The following UBP1 variants were observed in gnomAD, a reference collection of about 807,000 sequenced individuals.
UBP1 encodes upstream-binding protein 1.
In UBP1, 22 loss-of-function variants were observed where a neutral mutation model predicts 76.1. The ratio of observed to expected loss-of-function variants is 0.29; its 90% CI spans 0.21 to 0.41. UBP1 has a LOEUF of 0.41. Among genes scored for constraint, UBP1 ranks in the 10% least tolerant of loss-of-function variants. The pLI is 1.00. For synonymous variants in UBP1, 224 were observed against 237.1 expected, an observed-to-expected ratio of 0.94 and a Z score of 0.51; for missense variants, 436 against 668.1, an observed-to-expected ratio of 0.65 and a Z score of 3.83.
intron 1 of UBP1, among the ~76,000 whole-genome samples, chr3:33,431,562 C>G (rs1051268987): frequency 7.9e-5 from 12 of 151,878 alleles, no homozygotes; most frequent in African/African-American, 2.9e-4. Flanking sequence ...ATGGTGAAAC[C>G]CTGTCTCTAC....
In UBP1 at chr3:33,425,688, T is replaced by A; in HGVS notation, c.167A>T (p.Asp56Val). Reference protein sequence around the residue: ...FKQEDSSLPLDGETEHPPFQY... With the variant: ...FKQEDSSLPLVGETEHPPFQY... ...AAAGGGTGGGTGCTCTGTTTCACCATCCAATGGAAGGCTGGAATCTTCCTG... is the reference window on the plus strand; with the variant it reads ...AAAGGGTGGGTGCTCTGTTTCACCAACCAATGGAAGGCTGGAATCTTCCTG... Residue 56 changes from aspartate (D) to valine (V), a missense_variant, in exon 2 of 16, where the codon GAT becomes GTT. Around this residue, in one of 3 missense-constraint regions of UBP1, gnomAD observed 161 missense variants for 237.9 expected, o/e 0.68. Transcript: ENST00000283629. 2 of 1,601,156 alleles carry A rather than the reference T, an allele frequency of 1.2e-6. No homozygotes were observed. Among genetic ancestry groups the A allele is most frequent in the Non-Finnish European group, 1.7e-6 (2 of 1,169,968 alleles).
intron 1 of UBP1, among the ~76,000 whole-genome samples, chr3:33,427,091 C>A (rs1380312669): frequency 6.6e-6 from 1 of 152,208 alleles, no homozygotes; most frequent in African/African-American, 2.4e-5. Context: ...CTTCCGCCTC[C>A]CAAGTAGCTG....
intron 1 of UBP1, among the ~76,000 whole-genome samples, chr3:33,436,341 TTAAA>T (rs1483231195): frequency 2.6e-5 from 4 of 152,368 alleles, no homozygotes; most frequent in East Asian, 1.9e-4. Context: ...AATAGATTTC[TTAAA>T]TAAACATTTT....
At chr3:33,394,821 T>G (rs912325576) in intron 13 of UBP1, among the ~76,000 whole-genome samples, 8 of 130,948 alleles carry the variant, frequency 6.1e-5, no homozygotes, top group South Asian at 2.5e-4. Context: ...CCACTTGTTT[T>G]TTTTTTTTTT....
intron 8 of UBP1, among the ~76,000 whole-genome samples, chr3:33,406,936 C>T (rs947251463): frequency 6.6e-6 from 1 of 152,160 alleles, no homozygotes; most frequent in African/African-American, 2.4e-5. Flanking sequence ...CAGTGTGGCA[C>T]CATTTCATTC....
At position 33,439,723 on chromosome 3, in the gene UBP1, G is replaced by C. The variant is rs373379762; in HGVS notation, c.113+13C>G. The stretch of plus-strand genomic sequence containing the variant: ...GGAGACAGAGGCTTCTCCCCGCCCA[G>C]GGAGCCCAGTACCTCATGCTGTAAG... On this transcript the variant is annotated intron_variant, in intron 1 of 15. Coordinates refer to ENST00000283629, the MANE Select transcript of UBP1 (RefSeq NM_014517.5). 8 of 1,609,752 alleles carry C rather than the reference G, an allele frequency of 5.0e-6. No homozygotes were observed. Among genetic ancestry groups the C allele is most frequent in the African/African-American group, 4.0e-5 (3 of 74,702 alleles).
chr3:33,396,785 G>A (rs1207517051), intron 12 of UBP1: 7 of 632,566 alleles, frequency 1.1e-5, no homozygotes, highest in South Asian at 3.0e-5. Flanking sequence ...AAACCCAGTC[G>A]TCTTCAAGAA....
intron 3 of UBP1, among the ~76,000 whole-genome samples, chr3:33,415,509 T>C (rs2044706156): frequency 6.6e-6 from 1 of 152,330 alleles, no homozygotes; most frequent in South Asian, 2.1e-4. Flanking sequence ...TGAGAACTCA[T>C]GATATATACC....
chr3:33,420,448 C>T (rs892399108), intron 2 of UBP1, among the ~76,000 whole-genome samples: 10 of 151,614 alleles, frequency 6.6e-5, no homozygotes, highest in Non-Finnish European at 1.3e-4. Flanking sequence ...GCCTCAGCCT[C>T]CCAAGTAGCT....
rs1024574689 is a variant in UBP1 at position 33,400,376 on chromosome 3, A to C, written c.1087-94T>G. On this transcript the variant is annotated intron_variant, in intron 10 of 15. Coordinates refer to ENST00000283629, the MANE Select transcript of UBP1 (RefSeq NM_014517.5). ...GAAAGCCTCGGAGTCTGAAGTAAAAAACACCCAAAAAGAGCATGAGTCTGA... is the reference window on the plus strand; with the variant it reads ...GAAAGCCTCGGAGTCTGAAGTAAAACACACCCAAAAAGAGCATGAGTCTGA... The C allele has an allele frequency of 2.5e-5, 23 of 935,438 alleles. No individual in the cohort carries two copies. The African/African-American group carries it at 3.4e-4, about 14-fold the overall frequency. 57.9% of individuals were successfully genotyped at this position (935,438 alleles called of 1,614,324 possible).
chr3:33,429,927 A>G (rs2045085350), intron 1 of UBP1, among the ~76,000 whole-genome samples: 1 of 152,172 alleles, frequency 6.6e-6, no homozygotes. Context: ...TGAAAATTTG[A>G]ATTTTTCTTA....
chr3:33,434,267 A>C (rs2045164867), intron 1 of UBP1, among the ~76,000 whole-genome samples: 1 of 151,206 alleles, frequency 6.6e-6, no homozygotes, highest in African/African-American at 2.4e-5. Flanking sequence ...CTTGAAAGTA[A>C]GGTTTCAGTA....
rs572839624 is a variant in UBP1, at chr3:33,438,740, T to G, written c.113+996A>C. 1.3e-4 allele frequency among the ~76,000 whole-genome samples: 20 copies of G among 152,274 alleles called. No homozygotes were observed. The East Asian group carries it at 3.1e-3, about 23-fold the overall frequency. ...TCTCCTTAAGATTTAAAGACCCAAT[T>G]ACTTCAAGGAGCAGCCACCAAGATT... On this transcript the variant is annotated intron_variant, in intron 1 of 15. Coordinates refer to ENST00000283629, the MANE Select transcript of UBP1 (RefSeq NM_014517.5).
intron 1 of UBP1, among the ~76,000 whole-genome samples, chr3:33,431,144 T>C (rs1295419864): frequency 2.6e-5 from 4 of 152,058 alleles, no homozygotes; most frequent in African/African-American, 9.7e-5. Context: ...CAGACAGAAG[T>C]GAAGACTGAA....
intron 1 of UBP1, among the ~76,000 whole-genome samples, chr3:33,437,766 G>T (rs1335863556): frequency 6.6e-6 from 1 of 152,182 alleles, no homozygotes. Flanking sequence ...GCCAGGCATG[G>T]AAAGTACAAC....
chr3:33,425,281 C>T (rs543829605), intron 2 of UBP1, among the ~76,000 whole-genome samples: 2 of 152,288 alleles, frequency 1.3e-5, no homozygotes, highest in South Asian at 4.1e-4. Flanking sequence ...GATTCATTCT[C>T]AAGTTCCATA....
At chr3:33,413,184 T>C (rs541397440) in intron 3 of UBP1, among the ~76,000 whole-genome samples, 5 of 152,228 alleles carry the variant, frequency 3.3e-5, no homozygotes, top group African/African-American at 9.6e-5. Flanking sequence ...TTATTAAAAA[T>C]GAAAAGATGG....
At chr3:33,436,888 T>C (rs144107409) in intron 1 of UBP1, among the ~76,000 whole-genome samples, 164 of 152,296 alleles carry the variant, frequency 1.1e-3, no homozygotes, top group African/African-American at 3.8e-3. Context: ...CCTCAGATAA[T>C]GCATTTACAG....
At chr3:33,435,884 A>G (rs1174973933) in intron 1 of UBP1, among the ~76,000 whole-genome samples, 2 of 152,248 alleles carry the variant, frequency 1.3e-5, no homozygotes, top group African/African-American at 4.8e-5. Context: ...AGGTGTTTCT[A>G]CTGAATGAAT....
Sources: gnomAD v4.1 joint callset for allele counts (sites outside exome capture counted in the v4.1 genomes callset) on GRCh38, gnomAD v4.1.1 for gene constraint, gnomAD v4.1.1 regional missense constraint, MANE v1.5 for transcripts, NCBI Gene and HGNC (gene_info 2026-07-23, HGNC 2026-07-21) for gene names.